The following DGKB variants were observed in gnomAD, a reference collection of about 807,000 sequenced individuals.
The protein encoded by DGKB is diacylglycerol kinase beta.
Under a neutral mutation model 114.3 loss-of-function variants are expected in DGKB, and 67 were observed. The ratio of observed to expected loss-of-function variants is 0.59; its 90% confidence interval spans 0.48 to 0.72. The LOEUF is 0.72. Ranked by LOEUF, DGKB falls within the 30% of genes least tolerant of loss-of-function variation. The probability of loss-of-function intolerance (pLI) is 0.00; values close to 1 mark genes in which losing one functional copy is unlikely to be tolerated. For synonymous variants in DGKB, 398 were observed against 323.1 expected, an observed-to-expected ratio of 1.23 and a Z score of -2.49; for missense variants, 907 against 975.2, an observed-to-expected ratio of 0.93 and a Z score of 0.93.
intron 1 of DGKB, among the ~76,000 whole-genome samples, chr7:14,919,079 CACACACACACACACAA>C (rs1271202962): frequency 1.9e-3 from 247 of 129,528 alleles, no homozygotes; most frequent in African/African-American, 6.9e-3. Context: ...CACACACACA[CACACACACACACACAA>C]ACACACACAC....
chr7:14,505,151 GT>G (rs756148862), intron 20 of DGKB, among the ~76,000 whole-genome samples: 2 of 152,132 alleles, frequency 1.3e-5, no homozygotes, highest in Non-Finnish European at 2.9e-5. Context: ...GTTTTGTCTT[GT>G]TTCAAGAATA....
At chr7:14,321,858 T>C (rs1807884700) in intron 23 of DGKB, among the ~76,000 whole-genome samples, 1 of 152,144 alleles carries the variant, frequency 6.6e-6, no homozygotes, top group South Asian at 2.1e-4. Context: ...TAGAAAGTTA[T>C]AAACCATTAT....
chr7:14,545,285 G>T (rs1794101814), intron 20 of DGKB, among the ~76,000 whole-genome samples: 1 of 152,110 alleles, frequency 6.6e-6, no homozygotes, highest in South Asian at 2.1e-4. Flanking sequence ...AAGTCTATAT[G>T]ATGAAAGTAA....
chr7:14,426,366 T>G (rs1375855490), intron 21 of DGKB, among the ~76,000 whole-genome samples: 1 of 152,154 alleles, frequency 6.6e-6, no homozygotes, highest in Non-Finnish European at 1.5e-5. Context: ...ACCCTTAAGC[T>G]TTATTTGTGA....
intron 4 of DGKB, among the ~76,000 whole-genome samples, chr7:14,748,128 T>C (rs1320704716): frequency 6.6e-6 from 1 of 152,226 alleles, no homozygotes; most frequent in Non-Finnish European, 1.5e-5. Flanking sequence ...GATTTTCTCA[T>C]ATTCAGAAAG....
At chr7:14,603,474 T>A (rs55809480) in intron 17 of DGKB, among the ~76,000 whole-genome samples, 2 of 152,108 alleles carry the variant, frequency 1.3e-5, no homozygotes. Flanking sequence ...AAATAAAATA[T>A]GGTAGAAATT....
chr7:14,565,723 G>C (rs1252888222), intron 20 of DGKB, among the ~76,000 whole-genome samples: 1 of 152,050 alleles, frequency 6.6e-6, no homozygotes, highest in East Asian at 1.9e-4. Flanking sequence ...AGTCTTTCCA[G>C]TTTTTTTCAG....
At chr7:14,750,137 C>T (rs780273886) in intron 4 of DGKB, 1 of 518,468 alleles carries the variant, frequency 1.9e-6, no homozygotes, top group Non-Finnish European at 3.9e-6. Context: ...CCTTAAATTG[C>T]CCAACACCAC....
intron 23 of DGKB, among the ~76,000 whole-genome samples, chr7:14,297,472 G>C (rs1396475279): frequency 6.6e-6 from 1 of 152,146 alleles, no homozygotes; most frequent in Admixed American, 6.6e-5. Flanking sequence ...TATCTCAATA[G>C]ATGCAGAAAA....
chr7:14,295,018 A>AAATAGAAGCTGGGCACTGG (rs1802320272), intron 23 of DGKB, among the ~76,000 whole-genome samples: 1 of 152,178 alleles, frequency 6.6e-6, no homozygotes, highest in African/African-American at 2.4e-5. Flanking sequence ...ATCCATCAAC[A>AAATAGAAGCTGGGCACTGG]GGTATCAAAC....
chr7:14,160,360 G>A (rs769335949), intron 25 of DGKB, among the ~76,000 whole-genome samples: 1 of 152,124 alleles, frequency 6.6e-6, no homozygotes, highest in Admixed American at 6.5e-5. Context: ...TGACATGATT[G>A]TATATTTAGA....
chr7:14,495,876 G>A (rs1255272308), intron 20 of DGKB, among the ~76,000 whole-genome samples: 4 of 151,722 alleles, frequency 2.6e-5, no homozygotes, highest in Non-Finnish European at 4.4e-5. Flanking sequence ...AACATTCATT[G>A]CAATCAGTAA....
chr7:14,586,993 C>T (rs1800885490), intron 17 of DGKB, among the ~76,000 whole-genome samples: 4 of 152,118 alleles, frequency 2.6e-5, no homozygotes, highest in South Asian at 4.1e-4. Flanking sequence ...TGCAGCTCGT[C>T]GATCAAGGAG....
chr7:14,716,534 C>T (rs1031138392), intron 6 of DGKB, among the ~76,000 whole-genome samples: 11 of 151,890 alleles, frequency 7.2e-5, no homozygotes, highest in Non-Finnish European at 1.6e-4. Flanking sequence ...AATTGTAATC[C>T]TTTTGGAGTA....
At chr7:14,616,209 A>G (rs1437131677) in intron 15 of DGKB, among the ~76,000 whole-genome samples, 1 of 148,004 alleles carries the variant, frequency 6.8e-6, no homozygotes, top group Non-Finnish European at 1.5e-5. Context: ...ATATACATAT[A>G]TATAATATAC....
intron 1 of DGKB, among the ~76,000 whole-genome samples, chr7:14,927,083 C>G (rs1419215300): frequency 2.0e-5 from 3 of 151,852 alleles, no homozygotes; most frequent in Non-Finnish European, 4.4e-5. Context: ...TTGTCTACAC[C>G]AAGCATCAAC....
chr7:14,387,856 G>T (rs1820666754), intron 21 of DGKB, among the ~76,000 whole-genome samples: 2 of 149,758 alleles, frequency 1.3e-5, no homozygotes, highest in African/African-American at 2.5e-5. Flanking sequence ...GTTAGTACAG[G>T]TATCATCAGT....
chr7:14,363,640 A>G (rs904421886), intron 21 of DGKB, among the ~76,000 whole-genome samples: 4 of 152,066 alleles, frequency 2.6e-5, no homozygotes, highest in African/African-American at 7.2e-5. Flanking sequence ...AGCATATTTG[A>G]TATATGGAGG....
chr7:14,233,742 T>A (rs1792283580), intron 23 of DGKB, among the ~76,000 whole-genome samples: 1 of 151,902 alleles, frequency 6.6e-6, no homozygotes, highest in Non-Finnish European at 1.5e-5. Flanking sequence ...GAACCAACTG[T>A]CAAAGCAGAG....
Sources: allele counts gnomAD v4.1 joint callset (sites outside exome capture counted in the v4.1 genomes callset), GRCh38; gene constraint gnomAD v4.1.1; transcripts MANE v1.5; gene names NCBI Gene and HGNC (gene_info 2026-07-23, HGNC 2026-07-21).